VAV3: variants seen among roughly 807,000 people sequenced by gnomAD.
The protein encoded by VAV3 is guanine nucleotide exchange factor VAV3.
In VAV3, 94 loss-of-function variants were observed where a neutral mutation model predicts 131.2. The observed-to-expected ratio is 0.72, with a 90% CI of 0.61 to 0.85. The LOEUF (loss-of-function observed/expected upper bound fraction) is 0.85. Among genes scored for constraint, VAV3 ranks in the 40% least tolerant of loss-of-function variants. The pLI is 0.00. For missense variants in VAV3, 939 were observed against 1,002.7 expected (o/e 0.94, Z 0.86); for synonymous variants, 349 against 342.0 (o/e 1.02, Z -0.22).
At chr1:107,580,636 A>C (rs914626360) in intron 25 of VAV3, among the ~76,000 whole-genome samples, 2 of 152,108 alleles carry the variant, frequency 1.3e-5, no homozygotes, top group Non-Finnish European at 2.9e-5. Flanking sequence ...CACTCTTCCT[A>C]TATATCAATG....
At chr1:107,796,243 T>C (rs1187641932) in intron 2 of VAV3, among the ~76,000 whole-genome samples, 3 of 152,096 alleles carry the variant, frequency 2.0e-5, no homozygotes, top group South Asian at 2.1e-4. Flanking sequence ...CCAGGTCACA[T>C]GGTCTCTGGG....
At chr1:107,689,679 C>T (rs1659288861) in intron 17 of VAV3, among the ~76,000 whole-genome samples, 1 of 152,196 alleles carries the variant, frequency 6.6e-6, no homozygotes, top group Non-Finnish European at 1.5e-5. Flanking sequence ...ATGAAGGCAT[C>T]TTTGCTAGCC....
intron 21 of VAV3, among the ~76,000 whole-genome samples, chr1:107,617,236 G>A (rs928410389): frequency 3.3e-5 from 5 of 152,106 alleles, no homozygotes; most frequent in African/African-American, 1.2e-4. Context: ...GTGACTGGAG[G>A]CAGACCGTAC....
chr1:107,908,435 G>A (rs1672206856), intron 1 of VAV3, among the ~76,000 whole-genome samples: 2 of 152,016 alleles, frequency 1.3e-5, no homozygotes, highest in South Asian at 4.1e-4. Flanking sequence ...TGCTCTTCCT[G>A]CTAAAATACC....
At chr1:107,891,952 G>T (rs191767565) in intron 1 of VAV3, among the ~76,000 whole-genome samples, 1 of 150,548 alleles carries the variant, frequency 6.6e-6, no homozygotes. Flanking sequence ...TTAAACTCCA[G>T]ACTATAAAAT....
At chr1:107,655,318 T>A (rs903500633) in intron 19 of VAV3, among the ~76,000 whole-genome samples, 1 of 152,018 alleles carries the variant, frequency 6.6e-6, no homozygotes, top group Admixed American at 6.6e-5. Flanking sequence ...TATAAATCCA[T>A]GCATTTACAG....
chr1:107,755,262 T>G (rs919312461), intron 12 of VAV3, among the ~76,000 whole-genome samples, 165 bp downstream of exon 12: 6 of 152,136 alleles, frequency 3.9e-5, no homozygotes, highest in Non-Finnish European at 8.8e-5. Context: ...ACAAGCAGGT[T>G]GCAGGTGCCC....
chr1:107,732,298 C>T (rs1024443479), intron 15 of VAV3, among the ~76,000 whole-genome samples: 6 of 152,310 alleles, frequency 3.9e-5, no homozygotes, highest in Middle Eastern at 3.4e-3. Flanking sequence ...GCGTGACTGA[C>T]GCAGAAGACG....
intron 19 of VAV3, among the ~76,000 whole-genome samples, chr1:107,675,058 C>T (rs1183125851): frequency 2.6e-5 from 4 of 152,164 alleles, no homozygotes; most frequent in Non-Finnish European, 4.4e-5. Flanking sequence ...CGGATGAGAT[C>T]CAGCCCTGGC....
intron 2 of VAV3, among the ~76,000 whole-genome samples, chr1:107,848,461 C>T (rs1286192941): frequency 6.6e-6 from 1 of 152,048 alleles, no homozygotes; most frequent in Non-Finnish European, 1.5e-5. Context: ...ATAAACAGAA[C>T]CAATGACAAA....
At chr1:107,581,307 G>A (rs543797455) in intron 25 of VAV3, among the ~76,000 whole-genome samples, 29 of 152,242 alleles carry the variant, frequency 1.9e-4, no homozygotes, top group South Asian at 6.2e-4. Flanking sequence ...GTAGGTATCT[G>A]GTTATTTTGC....
At chr1:107,829,043 T>C (rs970223722) in intron 2 of VAV3, among the ~76,000 whole-genome samples, 1 of 152,202 alleles carries the variant, frequency 6.6e-6, no homozygotes, top group Non-Finnish European at 1.5e-5. Flanking sequence ...TTACGGATGC[T>C]GGAAAGCAGC....
At chr1:107,735,411 A>G (rs1182596832) in intron 15 of VAV3, among the ~76,000 whole-genome samples, 3 of 152,216 alleles carry the variant, frequency 2.0e-5, no homozygotes, top group Non-Finnish European at 4.4e-5. Flanking sequence ...AAATCAACGA[A>G]TCCAAGAGCT....
chr1:107,613,185 C>G (rs1652888569), intron 21 of VAV3, among the ~76,000 whole-genome samples: 1 of 152,048 alleles, frequency 6.6e-6, no homozygotes, highest in African/African-American at 2.4e-5. Context: ...TAATATTTGT[C>G]TTTAATGTCT....
chr1:107,650,652 G>A (rs1398671123), intron 19 of VAV3, among the ~76,000 whole-genome samples: 2 of 150,588 alleles, frequency 1.3e-5, no homozygotes, highest in East Asian at 2.0e-4. Context: ...CTGGTGTGCT[G>A]CACCCATTAA....
At chr1:107,588,767 G>T (rs1035184811) in intron 25 of VAV3, among the ~76,000 whole-genome samples, 1 of 152,208 alleles carries the variant, frequency 6.6e-6, no homozygotes, top group Non-Finnish European at 1.5e-5. Context: ...CTCCATTGGA[G>T]ATATTGATCT....
At chr1:107,681,483 A>G (rs930777849) in intron 19 of VAV3, among the ~76,000 whole-genome samples, 16 of 152,186 alleles carry the variant, frequency 1.1e-4, no homozygotes, top group Non-Finnish European at 1.5e-4. Flanking sequence ...AAGTCAAGCA[A>G]CTTTAAATAC....
chr1:107,769,617 T>C (rs34434455), intron 6 of VAV3, among the ~76,000 whole-genome samples: 2,526 of 152,298 alleles, frequency 0.017, 31 homozygotes, highest in Middle Eastern at 0.037. Flanking sequence ...ATTCAGTCTT[T>C]CCCCTTAATG....
intron 19 of VAV3, among the ~76,000 whole-genome samples, chr1:107,656,837 GAA>G (rs1656599674): frequency 1.3e-5 from 2 of 150,268 alleles, no homozygotes; most frequent in Admixed American, 6.7e-5. Context: ...CCCAAGAGTA[GAA>G]AAAGAGTAAA....
Sources: allele counts gnomAD v4.1 joint callset (sites outside exome capture counted in the v4.1 genomes callset), GRCh38; gene constraint gnomAD v4.1.1; transcripts MANE v1.5; gene names NCBI Gene and HGNC (gene_info 2026-07-23, HGNC 2026-07-21).